The following WWOX variants were observed in gnomAD, a reference collection of about 807,000 sequenced individuals.
WWOX encodes the protein WW domain containing oxidoreductase.
A neutral mutation model predicts 46.2 loss-of-function variants in WWOX; 69 were observed. The ratio of observed to expected loss-of-function variants is 1.49; its 90% CI spans 1.23 to 1.82. The LOEUF (loss-of-function observed/expected upper bound fraction) is 1.82. Among genes scored for constraint, WWOX ranks in the 40% most tolerant of loss-of-function variants. The pLI is 0.00. For missense variants in WWOX, 919 were observed against 542.6 expected (o/e 1.69, Z -6.89); for synonymous variants, 359 against 202.6 (o/e 1.77, Z -6.56).
chr16:78,771,944 G>A (rs968507152), intron 8 of WWOX, among the ~76,000 whole-genome samples: 13 of 152,040 alleles, frequency 8.6e-5, no homozygotes, highest in African/African-American at 3.1e-4. Context: ...GAAAAGAATA[G>A]TACAAAAATG....
intron 8 of WWOX, among the ~76,000 whole-genome samples, chr16:78,529,053 C>A (rs2859639): frequency 0.8 from 120,630 of 151,080 alleles, 49,605 homozygotes; most frequent in East Asian, 0.93. Context: ...TCTCTGGCTC[C>A]AGTGATCCTC....
intron 5 of WWOX, among the ~76,000 whole-genome samples, chr16:78,368,236 C>A (rs1047069089): frequency 1.3e-5 from 2 of 152,318 alleles, no homozygotes; most frequent in African/African-American, 4.8e-5. Context: ...CTTCAATTAA[C>A]ATGAGTGGAA....
chr16:78,985,071 C>A (rs566257310), intron 8 of WWOX, among the ~76,000 whole-genome samples: 92 of 152,316 alleles, frequency 6.0e-4, no homozygotes, highest in Middle Eastern at 3.4e-3. Flanking sequence ...GAGCCAAGCT[C>A]TGGCCGCCCA....
chr16:78,296,928 A>AT (rs201827670), intron 5 of WWOX, among the ~76,000 whole-genome samples: 1,805 of 151,952 alleles, frequency 0.012, 20 homozygotes, highest in Middle Eastern at 0.02. Context: ...TGAGCAATTC[A>AT]TTTTTTTTGG....
chr16:78,841,280 CATA>C (rs2151168981), intron 8 of WWOX, among the ~76,000 whole-genome samples: 1 of 152,300 alleles, frequency 6.6e-6, no homozygotes, highest in African/African-American at 2.4e-5. Context: ...CAGCACTGCT[CATA>C]ATATTTGAGT....
intron 8 of WWOX, among the ~76,000 whole-genome samples, chr16:79,154,856 A>T (rs2050350202): frequency 6.6e-6 from 1 of 152,196 alleles, no homozygotes; most frequent in Non-Finnish European, 1.5e-5. Flanking sequence ...AACTTGATCC[A>T]AGGTTTAGGC....
chr16:78,320,313 T>G (rs1223001404), intron 5 of WWOX, among the ~76,000 whole-genome samples: 2 of 152,214 alleles, frequency 1.3e-5, no homozygotes, highest in Non-Finnish European at 2.9e-5. Flanking sequence ...TTTTGTTTTT[T>G]ATCCCCTTCG....
chr16:78,920,743 C>G (rs1213933427), intron 8 of WWOX, among the ~76,000 whole-genome samples: 1 of 152,096 alleles, frequency 6.6e-6, no homozygotes, highest in East Asian at 1.9e-4. Context: ...ATTATCAGCA[C>G]CATTTCATCT....
chr16:78,385,700 C>T (rs780084153), intron 5 of WWOX, among the ~76,000 whole-genome samples: 12 of 152,198 alleles, frequency 7.9e-5, no homozygotes, highest in Non-Finnish European at 1.3e-4. Context: ...CCATTTGCAT[C>T]CCCCTTCATA....
At chr16:78,289,160 G>A (rs2079819661) in intron 5 of WWOX, among the ~76,000 whole-genome samples, 1 of 152,164 alleles carries the variant, frequency 6.6e-6, no homozygotes, top group Non-Finnish European at 1.5e-5. Context: ...GGTGCTGGCA[G>A]CGTCACTATG....
At position 78,108,222 on chromosome 16, in the gene WWOX, G is replaced by A. The variant is rs551904371; in HGVS notation, c.108-201G>A. 1.6e-4 allele frequency among the ~76,000 whole-genome samples: 24 copies of A among 150,640 alleles called. No homozygotes were observed. The South Asian group carries it at 1.7e-3, about 11-fold the overall frequency. ...ATTACAGGTGTGAGCCACCGCTCCC[G>A]ACGGCCTCTAGATATTTTGAGTGAT... On this transcript the variant is annotated intron_variant, in intron 1 of 8. Coordinates refer to ENST00000566780, the MANE Select transcript of WWOX (RefSeq NM_016373.4).
At chr16:78,862,651 C>G (rs1340026982) in intron 8 of WWOX, among the ~76,000 whole-genome samples, 2 of 152,100 alleles carry the variant, frequency 1.3e-5, no homozygotes, top group East Asian at 3.9e-4. Flanking sequence ...AAAAAGGCAT[C>G]AGTTCCATTC....
intron 8 of WWOX, among the ~76,000 whole-genome samples, chr16:79,148,551 G>C (rs967995869): frequency 6.6e-6 from 1 of 152,064 alleles, no homozygotes; most frequent in Non-Finnish European, 1.5e-5. Context: ...CCTAAGACCT[G>C]TGCTTTTTCA....
chr16:78,408,287 G>C (rs1446846605), intron 6 of WWOX, among the ~76,000 whole-genome samples: 1 of 152,058 alleles, frequency 6.6e-6, no homozygotes, highest in African/African-American at 2.4e-5. Context: ...CCACCTTTGA[G>C]TGTTGCCTTC....
intron 8 of WWOX, among the ~76,000 whole-genome samples, chr16:78,835,219 G>C (rs12932650): frequency 0.62 from 94,359 of 151,960 alleles, 29,612 homozygotes; most frequent in Middle Eastern, 0.69. Flanking sequence ...TTACCACCTA[G>C]AAAACAAGTG....
intron 4 of WWOX, among the ~76,000 whole-genome samples, chr16:78,148,839 A>G (rs1252383659): frequency 7.6e-6 from 1 of 132,096 alleles, no homozygotes; most frequent in Non-Finnish European, 1.5e-5. Flanking sequence ...CGGAGCTTGC[A>G]GTGAGCCGAG....
At chr16:79,022,691 T>G (rs1475370711) in intron 8 of WWOX, among the ~76,000 whole-genome samples, 1 of 152,118 alleles carries the variant, frequency 6.6e-6, no homozygotes, top group Non-Finnish European at 1.5e-5. Flanking sequence ...TGCACTGATG[T>G]AAGGGGCTGG....
chr16:78,669,643 A>G (rs2047414470), intron 8 of WWOX, among the ~76,000 whole-genome samples: 1 of 152,182 alleles, frequency 6.6e-6, no homozygotes, highest in Non-Finnish European at 1.5e-5. Context: ...TATCCAACAC[A>G]AATACGTCAC....
chr16:78,836,560 A>G (rs537600461), intron 8 of WWOX, among the ~76,000 whole-genome samples: 27 of 152,320 alleles, frequency 1.8e-4, no homozygotes, highest in African/African-American at 6.3e-4. Flanking sequence ...GGGAGGAAAG[A>G]GAATGAGCAT....
Sources: allele counts gnomAD v4.1 joint callset (sites outside exome capture counted in the v4.1 genomes callset), GRCh38; gene constraint gnomAD v4.1.1; transcripts MANE v1.5; gene names NCBI Gene and HGNC (gene_info 2026-07-23, HGNC 2026-07-21).